The following PCDHA1 variants were observed in gnomAD, a reference collection of about 807,000 sequenced individuals.
PCDHA1 encodes the protein protocadherin alpha 1, also known as protocadherin alpha-1.
PCDHA1 carries 42 observed loss-of-function variants against 61.3 expected under a neutral mutation model. The observed-to-expected ratio is 0.69, with a 90% CI of 0.54 to 0.89. PCDHA1 has a LOEUF of 0.89. PCDHA1 is among the 40% of genes least tolerant of loss of function. The pLI is 0.00. For synonymous variants in PCDHA1, 610 were observed against 553.8 expected (o/e 1.10, Z -1.43); for missense variants, 1,256 against 1,235.3 (o/e 1.02, Z -0.25).
At chr5:140,940,528 A>G (rs1190387049) in intron 1 of PCDHA1, among the ~76,000 whole-genome samples, 6 of 152,156 alleles carry the variant, frequency 3.9e-5, no homozygotes, top group African/African-American at 1.4e-4. Flanking sequence ...AGCTCACTGC[A>G]ATCTTGAATT....
chr5:140,795,122 G>A (rs782117441), intron 1 of PCDHA1: 2 of 1,614,044 alleles, frequency 1.2e-6, no homozygotes, highest in South Asian at 2.2e-5. Context: ...CAGGACCTGG[G>A]GCTGGAGCTG....
chr5:140,836,667 G>C, intron 1 of PCDHA1: 2 of 1,613,396 alleles, frequency 1.2e-6, no homozygotes, highest in Non-Finnish European at 1.7e-6. Context: ...GTGCTCTGGG[G>C]AGGGCCCACC....
chr5:140,902,415 G>C (rs887303649), intron 1 of PCDHA1, among the ~76,000 whole-genome samples: 24 of 152,178 alleles, frequency 1.6e-4, no homozygotes, highest in Admixed American at 1.3e-3. Flanking sequence ...TTGAATAACA[G>C]TGGTGAAAGT....
rs183715022 is a variant in PCDHA1 at position 140,950,136 on chromosome 5, A to G, written c.2395-28813A>G. Among the ~76,000 whole-genome samples, 19 of 152,068 alleles carry G rather than the reference A, an allele frequency of 1.2e-4. No individual in the cohort carries two copies. The East Asian group carries it at 3.7e-3, about 29-fold the overall frequency. ...AATACAAAACCCACAAGACACAGTT[A>G]TAATTTTTGTTTAAGCAGTTATTAT... On this transcript the variant is annotated intron_variant, in intron 1 of 3. Transcript: ENST00000504120.
intron 2 of PCDHA1, 91 bp from the exon 3 acceptor site, chr5:140,982,384 C>T (rs1245752901): frequency 6.3e-7 from 1 of 1,584,990 alleles, no homozygotes; most frequent in African/African-American, 1.3e-5. Context: ...GCAGCCCTGG[C>T]TTCATAGTTG....
At chr5:140,862,766 A>T (rs781899169) in intron 1 of PCDHA1, 1 of 576,266 alleles carries the variant, frequency 1.7e-6, no homozygotes, top group Non-Finnish European at 3.3e-6. Context: ...GGCAAGAGGT[A>T]CGCGTTGCAG....
chr5:140,875,738 G>A (rs1197047985), intron 1 of PCDHA1: 2 of 1,614,204 alleles, frequency 1.2e-6, no homozygotes, highest in Non-Finnish European at 1.7e-6. Context: ...GTGAATTCTC[G>A]GATCGACCGC....
chr5:140,884,042 G>A (rs1554181105), intron 1 of PCDHA1: 4 of 1,613,464 alleles, frequency 2.5e-6, no homozygotes, highest in Non-Finnish European at 3.4e-6. Flanking sequence ...CCACGTGGTG[G>A]CGAAGGTGCG....
intron 1 of PCDHA1, chr5:140,856,868 A>C: frequency 6.3e-7 from 1 of 1,595,926 alleles, no homozygotes; most frequent in Non-Finnish European, 8.6e-7. Flanking sequence ...AGGAATAAAC[A>C]AGGAAATGAT....
chr5:140,984,516 TCA>T (rs1422083367), intron 3 of PCDHA1, among the ~76,000 whole-genome samples: 2 of 152,130 alleles, frequency 1.3e-5, no homozygotes, highest in Non-Finnish European at 2.9e-5. Context: ...GATGCATGAG[TCA>T]CAGTCTTCAT....
At chr5:140,936,043 C>A (rs1246569956) in intron 1 of PCDHA1, among the ~76,000 whole-genome samples, 1 of 152,038 alleles carries the variant, frequency 6.6e-6, no homozygotes, top group Non-Finnish European at 1.5e-5. Context: ...CAGGCACCCA[C>A]CACCACACCC....
intron 1 of PCDHA1, among the ~76,000 whole-genome samples, chr5:140,898,794 T>G (rs1487494121): frequency 1.3e-5 from 2 of 152,236 alleles, no homozygotes; most frequent in East Asian, 3.8e-4. Flanking sequence ...ATGGCCATTT[T>G]CACGATACTG....
intron 1 of PCDHA1, chr5:140,843,152 CT>C (rs2150353947): frequency 6.3e-6 from 10 of 1,596,024 alleles, no homozygotes; most frequent in Non-Finnish European, 6.9e-6. Flanking sequence ...TTCGTATGAG[CT>C]GCAGCCAGCT....
At chr5:140,918,639 TGA>T (rs1554198713) in intron 1 of PCDHA1, among the ~76,000 whole-genome samples, 1 of 152,224 alleles carries the variant, frequency 6.6e-6, no homozygotes, top group East Asian at 1.9e-4. Context: ...ATTCATAAAT[TGA>T]AACCTAATTC....
intron 1 of PCDHA1, chr5:140,930,415 G>T (rs2086824319): frequency 6.6e-6 from 1 of 151,804 alleles, no homozygotes; most frequent in African/African-American, 2.4e-5. Flanking sequence ...TGAGACAGGG[G>T]TCTCACTATG....
At chr5:140,995,629 T>C (rs1333793289) in intron 3 of PCDHA1, among the ~76,000 whole-genome samples, 1 of 152,164 alleles carries the variant, frequency 6.6e-6, no homozygotes, top group Admixed American at 6.5e-5. Context: ...TTGGAAACTT[T>C]GGAGTGTTTA....
chr5:140,846,801 G>A (rs1780686436), intron 1 of PCDHA1, among the ~76,000 whole-genome samples: 1 of 149,422 alleles, frequency 6.7e-6, no homozygotes, highest in Admixed American at 6.7e-5. Context: ...CCAGCCCCTG[G>A]CTTTAAAATT....
intron 3 of PCDHA1, chr5:140,989,066 C>T (rs2097328502): frequency 6.6e-6 from 1 of 152,200 alleles, no homozygotes; most frequent in South Asian, 2.1e-4. Flanking sequence ...TGAGGCAATA[C>T]AGTCTGGCCT....
chr5:141,009,702 C>T lies in PCDHA1; in HGVS notation c.2618C>T (p.Pro873Leu). 1 of 1,614,056 alleles carries T rather than the reference C, an allele frequency of 6.2e-7. No individual in the cohort carries two copies. The highest frequency in any genetic ancestry group is 8.5e-7 in the Non-Finnish European group (1 of 1,180,028). The change falls in exon 4 of 4, where the codon CCA becomes CTA. Residue 873 changes from proline to leucine, a missense_variant. Transcript: ENST00000504120. ...AACAGCTGGACCTTTAAATACGGAC[C>T]AGGCAACCCCAAACAATCCGGTCCC... is the stretch of plus-strand genomic sequence containing the variant. The part of the protein sequence containing the change: ...NSNSWTFKYG[P>L]GNPKQSGPGE...
Sources: gnomAD v4.1 joint callset for allele counts (sites outside exome capture counted in the v4.1 genomes callset) on GRCh38, gnomAD v4.1.1 for gene constraint, MANE v1.5 for transcripts, NCBI Gene and HGNC (gene_info 2026-07-23, HGNC 2026-07-21) for gene names.